The following CMTM4 variants were observed in gnomAD, a reference collection of about 807,000 sequenced individuals.
CMTM4 encodes the protein CKLF like MARVEL transmembrane domain containing 4.
Under a neutral mutation model 19.0 loss-of-function variants are expected in CMTM4, and 8 were observed. The observed-to-expected ratio is 0.42, with a 90% CI of 0.25 to 0.76. CMTM4 has a LOEUF of 0.76. CMTM4 is among the 30% of genes least tolerant of loss of function. CMTM4 has a pLI of 0.27. For missense variants in CMTM4, 228 were observed against 290.2 expected (o/e 0.79, Z 1.56); for synonymous variants, 106 against 121.1 (o/e 0.88, Z 0.82).
chr16:66,695,037 A>G (rs1354574709), intron 1 of CMTM4, among the ~76,000 whole-genome samples: 3 of 152,106 alleles, frequency 2.0e-5, no homozygotes, highest in African/African-American at 7.2e-5. Context: ...AGGAATGCTT[A>G]TGCACTCAAG....
intron 1 of CMTM4, among the ~76,000 whole-genome samples, chr16:66,645,473 G>A (rs2016176079): frequency 6.6e-6 from 1 of 151,644 alleles, no homozygotes; most frequent in Non-Finnish European, 1.5e-5. Flanking sequence ...AGCTACTCGG[G>A]AGGCTGAGGC....
At chr16:66,662,794 T>C (rs1412346813) in intron 1 of CMTM4, among the ~76,000 whole-genome samples, 1 of 151,952 alleles carries the variant, frequency 6.6e-6, no homozygotes, top group Non-Finnish European at 1.5e-5. Context: ...GGCTGGAAAA[T>C]ACCAAGGAAC....
At chr16:66,672,840 A>C (rs1016729885) in intron 1 of CMTM4, among the ~76,000 whole-genome samples, 2 of 147,744 alleles carry the variant, frequency 1.4e-5, no homozygotes, top group Non-Finnish European at 3.0e-5. Context: ...CGGCCAGGCT[A>C]GTCTTGAACT....
intron 1 of CMTM4, among the ~76,000 whole-genome samples, chr16:66,640,348 T>C (rs2016076886): frequency 6.6e-6 from 1 of 152,140 alleles, no homozygotes; most frequent in Admixed American, 6.5e-5. Flanking sequence ...AGAGTGTCCC[T>C]GGAGGGTGCT....
In CMTM4 at chr16:66,615,702, G is replaced by A. The variant is rs924048732; in HGVS notation, c.*6356C>T. 3 of 152,292 alleles carry A rather than the reference G, an allele frequency of 2.0e-5. No individual in the cohort carries two copies. Among genetic ancestry groups the A allele is most frequent in the East Asian group, 3.8e-4 (2 of 5,198 alleles). The allele number at this position is 152,292 out of a possible 1,614,324, so 9.4% of individuals were successfully genotyped here. ...CTGATTCTGGAAGGGGCCCAGGCCA[G>A]AGAATACACTTGGGCTCAGTTCACC... On this transcript the variant is annotated 3_prime_UTR_variant, in exon 4 of 4. Transcript: ENST00000394106. The surrounding 1 kb of genome is among the most constrained non-coding windows in gnomAD (Gnocchi z 4.9).
chr16:66,638,439 T>C (rs2016037366), intron 1 of CMTM4, among the ~76,000 whole-genome samples: 1 of 152,228 alleles, frequency 6.6e-6, no homozygotes, highest in Admixed American at 6.5e-5. Context: ...AGTCAACACA[T>C]TAAAGACATG....
chr16:66,640,718 G>A (rs1201458040), intron 1 of CMTM4, among the ~76,000 whole-genome samples: 2 of 152,200 alleles, frequency 1.3e-5, no homozygotes, highest in Admixed American at 6.5e-5. Context: ...GACTTCACAG[G>A]TGTGTGACTG....
chr16:66,648,088 T>C (rs1485162849), intron 1 of CMTM4, among the ~76,000 whole-genome samples: 1 of 152,200 alleles, frequency 6.6e-6, no homozygotes, highest in Non-Finnish European at 1.5e-5. Context: ...CCTTTGAATT[T>C]GTGTGGGGCC....
At chr16:66,687,265 A>G (rs1293587656) in intron 1 of CMTM4, among the ~76,000 whole-genome samples, 1 of 152,116 alleles carries the variant, frequency 6.6e-6, no homozygotes, top group Non-Finnish European at 1.5e-5. Context: ...AAAGTCATGA[A>G]AAGTTAAAGA....
chr16:66,601,804 C>A, the CMTM4 span, among the ~76,000 whole-genome samples: 1 of 152,216 alleles, frequency 6.6e-6, no homozygotes, highest in South Asian at 2.1e-4. Flanking sequence ...TTCCTGGGCC[C>A]CTAAGAGTAC....
chr16:66,648,168 GA>G, intron 1 of CMTM4, among the ~76,000 whole-genome samples: 1 of 152,336 alleles, frequency 6.6e-6, no homozygotes, highest in East Asian at 1.9e-4. Flanking sequence ...TTGCCAGTAT[GA>G]GATGTTCCAG....
rs2144782330 is a variant in CMTM4 at position 66,622,684 on chromosome 16, G to A, written c.463-462C>T. Among the ~76,000 whole-genome samples the A allele has an allele frequency of 1.3e-5, 2 of 152,312 alleles. No homozygotes were observed. The highest frequency in any genetic ancestry group is 4.1e-4 in the South Asian group (2 of 4,826). The stretch of plus-strand genomic sequence containing the variant: ...TAGACAGAAAATCAGGGTTTCGCAT[G>A]TGGGTCCCAAATCAAGCCACAGGGC... On this transcript the variant is annotated intron_variant, in intron 3 of 3. Coordinates refer to ENST00000394106, the MANE Select transcript of CMTM4 (RefSeq NM_181521.3). This position sits in a 1 kb window ranked among gnomAD's most constrained non-coding sequence, Gnocchi z 4.0.
intron 2 of CMTM4, among the ~76,000 whole-genome samples, chr16:66,632,177 T>C (rs1049468314): frequency 2.0e-5 from 3 of 152,152 alleles, no homozygotes; most frequent in South Asian, 2.1e-4. Context: ...TGAGAGAGTA[T>C]GGCAGGAAGG....
chr16:66,676,941 C>T (rs910598854), intron 1 of CMTM4, among the ~76,000 whole-genome samples: 6 of 152,150 alleles, frequency 3.9e-5, no homozygotes, highest in African/African-American at 1.2e-4. Flanking sequence ...CGCAGGACAC[C>T]AATCAGAACA....
chr16:66,677,428 G>A (rs931316326), intron 1 of CMTM4, among the ~76,000 whole-genome samples: 9 of 152,342 alleles, frequency 5.9e-5, no homozygotes, highest in African/African-American at 1.7e-4. Context: ...TGTTATTGTG[G>A]GGAACAAGAG....
intron 2 of CMTM4, among the ~76,000 whole-genome samples, 196 bp downstream of exon 2, chr16:66,636,209 A>G (rs1004184591): frequency 2.0e-5 from 3 of 152,216 alleles, no homozygotes; most frequent in Non-Finnish European, 4.4e-5. Context: ...TGTTTCTCCC[A>G]TTAGTTAAGA....
At chr16:66,609,188 A>G in the CMTM4 span, among the ~76,000 whole-genome samples, 1 of 152,174 alleles carries the variant, frequency 6.6e-6, no homozygotes, top group East Asian at 1.9e-4. The surrounding 1 kb of genome is among the most constrained non-coding windows in gnomAD (Gnocchi z 4.4). Flanking sequence ...TGATCCACAC[A>G]GTTTTTTGCC....
At chr16:66,600,137 T>TGG in the CMTM4 span, among the ~76,000 whole-genome samples, 56 of 105,244 alleles carry the variant, frequency 5.3e-4, 1 homozygote, top group Admixed American at 1.9e-3. Flanking sequence ...TGTGTGTGTG[T>TGG]TTTTTTTTGT....
At chr16:66,609,054 T>C in the CMTM4 span, among the ~76,000 whole-genome samples, 1 of 152,272 alleles carries the variant, frequency 6.6e-6, no homozygotes, top group African/African-American at 2.4e-5. The surrounding 1 kb of genome is among the most constrained non-coding windows in gnomAD (Gnocchi z 4.4). Flanking sequence ...CATGAATGGA[T>C]CGGCCACAAG....
Sources: gnomAD v4.1 joint callset for allele counts (sites outside exome capture counted in the v4.1 genomes callset) on GRCh38, gnomAD v4.1.1 for gene constraint, Gnocchi (gnomAD v3.1) non-coding constraint, MANE v1.5 for transcripts, NCBI Gene and HGNC (gene_info 2026-07-23, HGNC 2026-07-21) for gene names.